AHI1: variants seen among roughly 807,000 people sequenced by gnomAD.
AHI1 encodes the protein jouberin.
In AHI1, 123 loss-of-function variants were observed where a neutral mutation model predicts 149.3. That is an observed-to-expected ratio of 0.82 (90% CI 0.71 to 0.96). The LOEUF is 0.96. Ranked by LOEUF, AHI1 falls within the 40% of genes least tolerant of loss-of-function variation. The pLI, the probability that AHI1 is intolerant of heterozygous loss-of-function variation, is 0.00. For synonymous variants in AHI1, 475 were observed against 459.8 expected, an observed-to-expected ratio of 1.03 and a Z score of -0.42; for missense variants, 1,439 against 1,422.7, an observed-to-expected ratio of 1.01 and a Z score of -0.18.
At chr6:135,406,064 T>C (rs1780755680) in intron 21 of AHI1, among the ~76,000 whole-genome samples, 1 of 152,120 alleles carries the variant, frequency 6.6e-6, no homozygotes, top group Non-Finnish European at 1.5e-5. Context: ...CATTACCATT[T>C]AGTCATAATA....
chr6:135,419,597 A>G (rs1283188672), intron 20 of AHI1, among the ~76,000 whole-genome samples: 1 of 152,142 alleles, frequency 6.6e-6, no homozygotes, highest in African/African-American at 2.4e-5. Flanking sequence ...AAATCAATGC[A>G]TTTACCTTAA....
intron 5 of AHI1, among the ~76,000 whole-genome samples, chr6:135,478,656 A>C (rs1793108796): frequency 1.3e-5 from 2 of 152,274 alleles, no homozygotes; most frequent in African/African-American, 4.8e-5. Flanking sequence ...AGAGGTTAAA[A>C]AGAAAAACCA....
In AHI1 at chr6:135,446,459, C is replaced by T. The variant is rs192692704; in HGVS notation, c.1779+549G>A. On this transcript the variant is annotated intron_variant, in intron 13 of 28. Transcript: ENST00000265602. The stretch of plus-strand genomic sequence containing the variant: ...ACTGAATGCTATGTCCTCTCAAAAA[C>T]TGTATGTTAAAGCTGTAATCCCCTA... Among the ~76,000 whole-genome samples, 586 of 152,270 alleles carry T rather than the reference C, an allele frequency of 3.8e-3. 7 individuals carry two copies. The highest frequency in any genetic ancestry group is 6.6e-3 in the East Asian group (34 of 5,186).
rs1020132637 is a variant in AHI1, at chr6:135,285,273, G to A, written c.*372C>T. On this transcript the variant is annotated 3_prime_UTR_variant, in exon 29 of 29. Coordinates refer to ENST00000265602, the MANE Select transcript of AHI1 (RefSeq NM_001134831.2). ...CATTACCAATATAATAATATTAAAT[G>A]ATTACTTAACAGACATCCTAATAAC... 4.4e-5 allele frequency: 12 copies of A among 274,616 alleles called. No individual in the cohort carries two copies. Among genetic ancestry groups the A allele is most frequent in the Non-Finnish European group, 3.5e-5 (5 of 143,924 alleles). 17.0% of individuals were successfully genotyped at this position (274,616 alleles called of 1,614,324 possible).
intron 23 of AHI1, among the ~76,000 whole-genome samples, chr6:135,380,030 T>TCCTCCCTC (rs553776139): frequency 7.5e-6 from 1 of 132,882 alleles, no homozygotes; most frequent in African/African-American, 2.9e-5. Context: ...CTTCCTTCCT[T>TCCTCCCTC]CCTCCCTCCC....
At chr6:135,404,390 C>T (rs1202998610) in intron 22 of AHI1, among the ~76,000 whole-genome samples, 1 of 152,120 alleles carries the variant, frequency 6.6e-6, no homozygotes, top group African/African-American at 2.4e-5. Flanking sequence ...TAACTTGGGA[C>T]CTTGGGCAAA....
At chr6:135,489,731 G>T (rs1562291685) in intron 5 of AHI1, among the ~76,000 whole-genome samples, 1 of 152,042 alleles carries the variant, frequency 6.6e-6, no homozygotes, top group African/African-American at 2.4e-5. Flanking sequence ...TGTGCAGCTG[G>T]ATTTTGGTCA....
chr6:135,464,529 T>C (rs1752553180), intron 7 of AHI1, among the ~76,000 whole-genome samples: 1 of 152,208 alleles, frequency 6.6e-6, no homozygotes, highest in South Asian at 2.1e-4. Context: ...GTGACTTACT[T>C]CTGACAGACA....
chr6:135,490,405 G>T (rs1665307400), intron 5 of AHI1: 3 of 650,086 alleles, frequency 4.6e-6, no homozygotes, highest in Non-Finnish European at 5.4e-6. Flanking sequence ...CACTGTGTGT[G>T]TGTTCTTCCT....
intron 28 of AHI1, chr6:135,286,450 T>A (rs559198316): frequency 6.6e-6 from 1 of 152,334 alleles, no homozygotes; most frequent in East Asian, 1.9e-4. Flanking sequence ...CACCTGGTTG[T>A]CCTTAGAAAA....
At position 135,428,599 on chromosome 6, in the gene AHI1, A is replaced by G. The variant is rs564773580; in HGVS notation, c.2623+30T>C. ...TTCTTCAAACCCCTGTACCTCCCCAAATGATTTTTAAAGTTCAATAAACAT... is the reference window on the plus strand; with the variant it reads ...TTCTTCAAACCCCTGTACCTCCCCAGATGATTTTTAAAGTTCAATAAACAT... On this transcript the variant is annotated intron_variant, in intron 19 of 28. Transcript: ENST00000265602. The G allele has an allele frequency of 2.8e-5, 45 of 1,585,460 alleles. No homozygotes were observed. In the East Asian group the frequency reaches 8.2e-4, roughly 29 times the overall value.
At chr6:135,471,657 A>G (rs1366981503) in intron 5 of AHI1, among the ~76,000 whole-genome samples, 3 of 51,662 alleles carry the variant, frequency 5.8e-5, no homozygotes, top group African/African-American at 2.5e-4. Context: ...TTACCTCTTT[A>G]AATGATTCAG....
chr6:135,383,131 CCAA>C (rs1777084749), intron 23 of AHI1, among the ~76,000 whole-genome samples: 1 of 147,546 alleles, frequency 6.8e-6, no homozygotes, highest in East Asian at 2.0e-4. Context: ...AGAAATGTGT[CCAA>C]CATTTTGTAT....
In AHI1 at chr6:135,466,164, C is replaced by A. The variant is rs886038630; in HGVS notation, c.399G>T (p.Val133=). 5 of 1,613,856 alleles carry A rather than the reference C, an allele frequency of 3.1e-6. No individual in the cohort carries two copies. The highest frequency in any genetic ancestry group is 4.2e-6 in the Non-Finnish European group (5 of 1,179,844). ...GKPNKKVIKT[V]PQLTTQDLKP... Reference sequence around the variant, plus strand: ...TCAGGTCTTGTGTAGTCAACTGGGGCACCGTCTTTATCACCTTTTTATTTG... The same window carrying A: ...TCAGGTCTTGTGTAGTCAACTGGGGAACCGTCTTTATCACCTTTTTATTTG... The change falls in exon 7 of 29, where the codon GTG becomes GTT. Residue 133 remains valine, a synonymous_variant. Coordinates refer to ENST00000265602, the MANE Select transcript of AHI1 (RefSeq NM_001134831.2).
At chr6:135,383,426 A>G (rs1413159479) in intron 23 of AHI1, among the ~76,000 whole-genome samples, 2 of 148,314 alleles carry the variant, frequency 1.3e-5, no homozygotes, top group African/African-American at 5.1e-5. Context: ...TTAAAGAGAC[A>G]GGGTCCCACT....
intron 25 of AHI1, among the ~76,000 whole-genome samples, chr6:135,322,394 C>T (rs1051738498): frequency 1.3e-5 from 2 of 152,054 alleles, no homozygotes; most frequent in Admixed American, 6.5e-5. Context: ...AGGCTCTCTG[C>T]GTTCGTTCTG....
intron 23 of AHI1, among the ~76,000 whole-genome samples, chr6:135,362,225 T>C (rs889051197): frequency 2.0e-5 from 3 of 152,232 alleles, no homozygotes; most frequent in Admixed American, 6.5e-5. Flanking sequence ...ATTTTTGCAA[T>C]TGCAAATTGT....
chr6:135,436,261 G>A (rs1562766276), intron 15 of AHI1, among the ~76,000 whole-genome samples: 1 of 152,064 alleles, frequency 6.6e-6, no homozygotes, highest in African/African-American at 2.4e-5. Context: ...GAAAGACAAT[G>A]GATAGAACTG....
intron 23 of AHI1, among the ~76,000 whole-genome samples, chr6:135,384,366 T>C (rs1777277368): frequency 1.3e-5 from 2 of 152,230 alleles, no homozygotes; most frequent in Non-Finnish European, 2.9e-5. Flanking sequence ...CTTTCACTTG[T>C]AGTAAACATT....
Sources: allele counts gnomAD v4.1 joint callset (sites outside exome capture counted in the v4.1 genomes callset), GRCh38; gene constraint gnomAD v4.1.1; transcripts MANE v1.5; gene names NCBI Gene and HGNC (gene_info 2026-07-23, HGNC 2026-07-21).